The following WFDC1 variants were observed in gnomAD, a reference collection of about 807,000 sequenced individuals.
WFDC1 encodes the protein WAP four-disulfide core domain 1, also known as WAP four-disulfide core domain protein 1.
A neutral mutation model predicts 32.9 loss-of-function variants in WFDC1; 39 were observed. That is an observed-to-expected ratio of 1.19 (90% CI 0.92 to 1.55). The LOEUF is 1.55. Ranked by LOEUF, WFDC1 falls within the 40% of genes most tolerant of loss-of-function variation. The pLI is 0.00. For synonymous variants in WFDC1, 184 were observed against 137.4 expected (o/e 1.34, Z -2.37); for missense variants, 386 against 309.5 (o/e 1.25, Z -1.85).
intron 1 of WFDC1, among the ~76,000 whole-genome samples, chr16:84,305,482 G>A (rs1438732882): frequency 1.3e-5 from 2 of 152,226 alleles, no homozygotes; most frequent in Non-Finnish European, 2.9e-5. Context: ...ACTTTTCACT[G>A]TTGCTGGTGG....
At chr16:84,308,668 G>GCCTGGGTGTAGACGCCATCCTTGGTGTAC (rs1907417870) in intron 1 of WFDC1, among the ~76,000 whole-genome samples, 1 of 152,124 alleles carries the variant, frequency 6.6e-6, no homozygotes, top group Non-Finnish European at 1.5e-5. Flanking sequence ...CCTGAGTGTA[G>GCCTGGGTGTAGACGCCATCCTTGGTGTAC]ACACCAGCCT....
Position 84,318,842 on chromosome 16 carries a change from C to CT in WFDC1, c.421+488dup, listed in dbSNP as rs138750249. ...CCACGTCCATCTGTGTGTTGTGTGA[C>CT]TGTGTCCGCTAGAGTGTGCGGCCGT... is the stretch of plus-strand genomic sequence containing the variant. On this transcript the variant is annotated intron_variant, in intron 3 of 6. Transcript: ENST00000219454. The CT allele has an allele frequency of 5.1e-3, 1,101 of 214,698 alleles. 17 individuals are homozygous for CT. Among genetic ancestry groups the CT allele is most frequent in the African/African-American group, 0.024 (1,053 of 44,700 alleles). 13.3% of individuals were successfully genotyped at this position (214,698 alleles called of 1,614,324 possible).
Position 84,310,659 on chromosome 16 carries a change from A to AAT in WFDC1, c.145-2300_145-2299dup, listed in dbSNP as rs1034828518. Among the ~76,000 whole-genome samples, 51 of 152,186 alleles carry AAT rather than the reference A, an allele frequency of 3.4e-4. No homozygotes were observed. The East Asian group carries it at 5.8e-3, about 17-fold the overall frequency. ...TCCAAAAACGTTCTCAGCCTATGCA[A>AAT]ATAGATATATATATGTTACATCTGT... On this transcript the variant is annotated intron_variant, in intron 1 of 6. Coordinates refer to ENST00000219454, the MANE Select transcript of WFDC1 (RefSeq NM_021197.4).
intron 1 of WFDC1, among the ~76,000 whole-genome samples, chr16:84,301,474 T>A (rs1906930515): frequency 6.6e-6 from 1 of 152,136 alleles, no homozygotes; most frequent in East Asian, 1.9e-4. Context: ...GTCTGCTCCT[T>A]GAACCAGGTG....
chr16:84,304,254 A>G (rs1302347796), intron 1 of WFDC1, among the ~76,000 whole-genome samples: 2 of 152,162 alleles, frequency 1.3e-5, no homozygotes, highest in Non-Finnish European at 2.9e-5. Flanking sequence ...AAGGTCATAT[A>G]GTTTCACTCT....
intron 4 of WFDC1, among the ~76,000 whole-genome samples, chr16:84,321,601 A>G (rs569177180): frequency 6.6e-6 from 1 of 152,342 alleles, no homozygotes; most frequent in South Asian, 2.1e-4. Context: ...AAGTCAAACT[A>G]GTTCTTAAGG....
At position 84,311,680 on chromosome 16, in the gene WFDC1, G is replaced by A. The variant is rs189352882; in HGVS notation, c.145-1281G>A. On this transcript the variant is annotated intron_variant, in intron 1 of 6. Transcript: ENST00000219454. ...AGTACCTGGGACTACAGGAGAGAAT[G>A]AGCATGCCTGACTGCTTTTTTTTTT... 1.1e-3 allele frequency among the ~76,000 whole-genome samples: 157 copies of A among 137,966 alleles called. 1 individual carries two copies. The highest frequency in any genetic ancestry group is 3.9e-3 in the African/African-American group (150 of 38,062). 90.5% of individuals were successfully genotyped at this position (137,966 alleles called of 152,430 possible).
At chr16:84,306,050 A>G (rs997357469) in intron 1 of WFDC1, among the ~76,000 whole-genome samples, 13 of 145,868 alleles carry the variant, frequency 8.9e-5, no homozygotes, top group African/African-American at 3.6e-4. Context: ...TAATAATAAA[A>G]GGAATAAAAA....
At position 84,318,303 on chromosome 16, in the gene WFDC1, A is replaced by G. The variant is rs752981023; in HGVS notation, c.369A>G (p.Arg123=). The change falls in exon 3 of 7, where the codon CGA becomes CGG. Residue 123 remains arginine, a synonymous_variant. Transcript: ENST00000219454. ...ACTGGCTGGTGCAGCCGAAACCTCG[A>G]TGGCTTGGTGGCAATGGCTGGCTCC... ...VLDWLVQPKP[R]WLGGNGWLLD... is the part of the protein sequence containing the mutation. 1.2e-6 allele frequency: 2 copies of G among 1,614,112 alleles called. No individual in the cohort carries two copies. Among genetic ancestry groups the G allele is most frequent in the Non-Finnish European group, 1.7e-6 (2 of 1,179,996 alleles).
intron 1 of WFDC1, among the ~76,000 whole-genome samples, chr16:84,301,954 C>T (rs143028960): frequency 6.6e-6 from 1 of 152,322 alleles, no homozygotes; most frequent in Non-Finnish European, 1.5e-5. Context: ...TGTGCCAGCA[C>T]TCACCGCAGC....
Position 84,300,659 on chromosome 16 carries a change from A to AC in WFDC1, c.144+5548dup, listed in dbSNP as rs535457800. ...GGAGGTGGGTGGTTCCTTAATATGA[A>AC]CCCCGTTCCTTATAAGAAAAGGAGA... On this transcript the variant is annotated intron_variant, in intron 1 of 6. Coordinates refer to ENST00000219454, the MANE Select transcript of WFDC1 (RefSeq NM_021197.4). Among the ~76,000 whole-genome samples the AC allele has an allele frequency of 1.8e-3, 269 of 152,112 alleles. 2 individuals are homozygous for AC. The highest frequency in any genetic ancestry group is 6.3e-3 in the African/African-American group (260 of 41,466).
intron 2 of WFDC1, 151 bp downstream of exon 2, chr16:84,313,304 C>T: frequency 1.5e-6 from 1 of 647,374 alleles, no homozygotes; most frequent in Non-Finnish European, 2.2e-6. Context: ...CTGGGACGGG[C>T]GCTCCTTGAG....
chr16:84,300,424 C>T lies in WFDC1; in HGVS notation c.144+5309C>T, dbSNP rs948627120. Among the ~76,000 whole-genome samples, 10 of 152,370 alleles carry T rather than the reference C, an allele frequency of 6.6e-5. 1 individual carries two copies. In the South Asian group the frequency reaches 1.4e-3, roughly 22 times the overall value. ...CCTGAAGGGCGCCTTCCCTTTCCTG[C>T]CCAGCTTCCCACTCCCCAGCTGGGG... On this transcript the variant is annotated intron_variant, in intron 1 of 6. Transcript: ENST00000219454.
intron 1 of WFDC1, among the ~76,000 whole-genome samples, chr16:84,308,880 C>A (rs1202740209): frequency 1.3e-5 from 2 of 151,110 alleles, no homozygotes; most frequent in African/African-American, 4.9e-5. Flanking sequence ...CCAGCCTGGG[C>A]ATAGATGCCA....
At chr16:84,306,473 T>C (rs1287068260) in intron 1 of WFDC1, among the ~76,000 whole-genome samples, 1 of 152,232 alleles carries the variant, frequency 6.6e-6, no homozygotes, top group Non-Finnish European at 1.5e-5. Context: ...AAACTGAGGA[T>C]GGCCGAGTCC....
At chr16:84,320,461 G>A (rs1008612565) in intron 4 of WFDC1, among the ~76,000 whole-genome samples, 6 of 152,150 alleles carry the variant, frequency 3.9e-5, no homozygotes, top group South Asian at 2.1e-4. Flanking sequence ...ATTTGTGTTC[G>A]TCTTTGGACA....
chr16:84,302,612 A>G (rs999890508), intron 1 of WFDC1, among the ~76,000 whole-genome samples: 1 of 152,170 alleles, frequency 6.6e-6, no homozygotes. Context: ...ATGTTTACAT[A>G]AGAGCCCAGC....
chr16:84,320,221 G>T (rs566338437), intron 4 of WFDC1, among the ~76,000 whole-genome samples: 1 of 152,326 alleles, frequency 6.6e-6, no homozygotes, highest in South Asian at 2.1e-4. Flanking sequence ...GCTAATGTAA[G>T]TGTTCTGAGC....
chr16:84,305,593 G>A lies in WFDC1; in HGVS notation c.145-7368G>A, dbSNP rs546494867. On this transcript the variant is annotated intron_variant, in intron 1 of 6. Transcript: ENST00000219454. ...ACCTAACGCTATGGAGATGGTGGGC[G>A]TTCACTAAATCATCTGGGAGTGAAT... 6.6e-5 allele frequency among the ~76,000 whole-genome samples: 10 copies of A among 152,304 alleles called. No individual in the cohort carries two copies. The South Asian group carries it at 8.3e-4, about 13-fold the overall frequency.
Sources: allele counts gnomAD v4.1 joint callset (sites outside exome capture counted in the v4.1 genomes callset), GRCh38; gene constraint gnomAD v4.1.1; transcripts MANE v1.5; gene names NCBI Gene and HGNC (gene_info 2026-07-23, HGNC 2026-07-21).